The following FJX1 variants were observed in gnomAD, a reference collection of about 807,000 sequenced individuals.
The protein encoded by FJX1 is four-jointed box protein 1.
A neutral mutation model predicts 28.7 loss-of-function variants in FJX1; 21 were observed. The observed-to-expected ratio is 0.73, with a 90% CI of 0.52 to 1.05. The LOEUF (loss-of-function observed/expected upper bound fraction) is 1.05, where lower values mean the gene tolerates loss of function less well. FJX1 is among the 50% of genes least tolerant of loss of function. The probability of loss-of-function intolerance (pLI) is 0.00; values close to 1 mark genes in which losing one functional copy is unlikely to be tolerated. For synonymous variants in FJX1, 363 were observed against 310.0 expected (o/e 1.17, Z -1.80); for missense variants, 683 against 647.2 (o/e 1.06, Z -0.60).
At position 35,619,638 on chromosome 11, in the gene FJX1, G is replaced by A; in HGVS notation, c.1002G>A (p.Leu334=). The change falls in exon 1 of 1, where the codon CTG becomes CTA. Residue 334 remains leucine, a synonymous_variant. Transcript: ENST00000317811. The surrounding 1 kb of genome is among the most constrained non-coding windows in gnomAD (Gnocchi z 7.6). ...TGCACCGCGGTCCGGGCGGGGCGCT[G>A]GTCTTTCTGGACAATGAGGCGGGCT... ...SNLHRGPGGA[L]VFLDNEAGLV... The A allele has an allele frequency of 1.9e-6, 3 of 1,611,112 alleles. No homozygotes were observed. The highest frequency in any genetic ancestry group is 2.5e-6 in the Non-Finnish European group (3 of 1,179,764).
rs747393136 is a variant in FJX1 at position 35,619,306 on chromosome 11, C to G, written c.670C>G (p.Gln224Glu). 1.3e-6 allele frequency: 2 copies of G among 1,557,066 alleles called. No homozygotes were observed. The highest frequency in any genetic ancestry group is 4.8e-5 in the East Asian group (2 of 41,832). ...RVEARGAQWA[Q>E]VQEELRAAHW... ...GGAGGCTCGGGGCGCGCAGTGGGCG[C>G]AGGTGCAGGAGGAGCTGCGCGCTGC... The change falls in exon 1 of 1, where the codon CAG becomes GAG. Residue 224 changes from glutamine to glutamate, a missense_variant. By Grantham distance (29) the Gln-to-Glu change is conservative. Transcript: ENST00000317811. This position sits in a 1 kb window ranked among gnomAD's most constrained non-coding sequence, Gnocchi z 7.6.
Position 35,619,738 on chromosome 11 carries a change from C to A in FJX1, c.1102C>A (p.Arg368Ser), listed in dbSNP as rs757733800. ...GCTGTTGCAGTCAGTGTGCGTGTTC[C>A]GCGAGCGGACCGCGCGGCGCGTCCT... ...EPLLQSVCVFRERTARRVLEL... is the reference protein window; with the variant it reads ...EPLLQSVCVFSERTARRVLEL... Residue 368 changes from arginine (R) to serine (S), a missense_variant, in exon 1 of 1, where the codon CGC becomes AGC. Arg to Ser is a moderately radical substitution (Grantham distance 110). Coordinates refer to ENST00000317811, the MANE Select transcript of FJX1 (RefSeq NM_014344.4). The surrounding 1 kb of genome is among the most constrained non-coding windows in gnomAD (Gnocchi z 7.6). 2 of 1,570,998 alleles carry A rather than the reference C, an allele frequency of 1.3e-6. No individual in the cohort carries two copies. Among genetic ancestry groups the A allele is most frequent in the African/African-American group, 1.4e-5 (1 of 73,954 alleles).
Position 35,618,783 on chromosome 11 carries a change from C to T in FJX1, c.147C>T (p.Arg49=). ...SRPPEDRLPR[R]PARSGGPAPA... is the part of the protein sequence containing the mutation. ...CGCCCGAAGACCGACTCCCACGGCG[C>T]CCGGCCCGGAGCGGCGGCCCCGCGC... The change falls in exon 1 of 1, where the codon CGC becomes CGT. Residue 49 remains arginine (R), a synonymous_variant. Transcript: ENST00000317811. This position sits in a 1 kb window ranked among gnomAD's most constrained non-coding sequence, Gnocchi z 4.2. The T allele has an allele frequency of 2.4e-6, 3 of 1,253,530 alleles. No individual in the cohort carries two copies. Among genetic ancestry groups the T allele is most frequent in the Non-Finnish European group, 3.0e-6 (3 of 997,386 alleles). The allele number at this position is 1,253,530 out of a possible 1,614,324, so 77.7% of individuals were successfully genotyped here.
Position 35,619,015 on chromosome 11 carries a change from G to A in FJX1, c.379G>A (p.Gly127Ser), listed in dbSNP as rs1265109169. 7 of 1,467,768 alleles carry A rather than the reference G, an allele frequency of 4.8e-6. No individual in the cohort carries two copies. The highest frequency in any genetic ancestry group is 1.5e-5 in the African/African-American group (1 of 67,292). The allele number at this position is 1,467,768 out of a possible 1,614,324, so 90.9% of individuals were successfully genotyped here. A position where few individuals can be genotyped will look rare whatever the true frequency, so the allele number is the denominator to read the frequency against. Residue 127 changes from glycine to serine, a missense_variant, in exon 1 of 1, where the codon GGC (glycine) becomes AGC (serine). Coordinates refer to ENST00000317811, the MANE Select transcript of FJX1 (RefSeq NM_014344.4). The surrounding 1 kb of genome is among the most constrained non-coding windows in gnomAD (Gnocchi z 7.6). ...AVHGGVFWSRGLEEQVPPGFS... is the reference protein window; with the variant it reads ...AVHGGVFWSRSLEEQVPPGFS... Reference sequence around the variant, plus strand: ...GCACGGGGGCGTCTTCTGGAGCCGCGGCCTGGAGGAGCAGGTGCCCCCGGG... The same window carrying A: ...GCACGGGGGCGTCTTCTGGAGCCGCAGCCTGGAGGAGCAGGTGCCCCCGGG...
chr11:35,620,157 G>A lies in FJX1; in HGVS notation c.*207G>A, dbSNP rs1850883100. On this transcript the variant is annotated 3_prime_UTR_variant, in exon 1 of 1. Transcript: ENST00000317811. ...TCTGGGAGGACGAACTCACCGAGGCGAGAAGTGTAACATTCTCTCCACCCA... is the reference window on the plus strand; with the variant it reads ...TCTGGGAGGACGAACTCACCGAGGCAAGAAGTGTAACATTCTCTCCACCCA... 1.8e-5 allele frequency: 13 copies of A among 717,424 alleles called. No homozygotes were observed. The highest frequency in any genetic ancestry group is 2.1e-5 in the Non-Finnish European group (9 of 432,766). 44.4% of individuals were successfully genotyped at this position (717,424 alleles called of 1,614,324 possible). A position where few individuals can be genotyped will look rare whatever the true frequency, so the allele number is the denominator to read the frequency against.
In FJX1 at chr11:35,619,274, CTCGGGTGGAGGCTCGGGG is replaced by C; in HGVS notation, c.639_656del (p.Arg214_Gly219del). On this transcript the variant is annotated inframe_deletion, in exon 1 of 1. Coordinates refer to ENST00000317811, the MANE Select transcript of FJX1 (RefSeq NM_014344.4). The surrounding 1 kb of genome is among the most constrained non-coding windows in gnomAD (Gnocchi z 7.6). Reference sequence around the variant, plus strand: ...CGCCACGTGCCGCCGCTGGCACTGGCTCGGGTGGAGGCTCGGGGCGCGCAGTGGGCGCAGGTGCAGGAG... The same window carrying C: ...CGCCACGTGCCGCCGCTGGCACTGGCCGCGCAGTGGGCGCAGGTGCAGGAG... 6.4e-7 allele frequency: 1 copy of C among 1,565,962 alleles called. No homozygotes were observed.
chr11:35,619,371 G>C lies in FJX1; in HGVS notation c.735G>C (p.Trp245Cys), dbSNP rs1168179890. ...TEGSVVSLTR[W>C]LPNLTDVVVP... Reference sequence around the variant, plus strand: ...GCAGCGTGGTGAGCCTGACACGCTGGCTGCCCAACCTCACGGACGTGGTGG... The same window carrying C: ...GCAGCGTGGTGAGCCTGACACGCTGCCTGCCCAACCTCACGGACGTGGTGG... Residue 245 changes from tryptophan to cysteine, a missense_variant, in exon 1 of 1, where the codon TGG becomes TGC. By Grantham distance (215) the Trp-to-Cys change is radical. Transcript: ENST00000317811. This position sits in a 1 kb window ranked among gnomAD's most constrained non-coding sequence, Gnocchi z 7.6. The C allele has an allele frequency of 6.3e-7, 1 of 1,590,390 alleles. No individual in the cohort carries two copies. Among genetic ancestry groups the C allele is most frequent in the East Asian group, 2.3e-5 (1 of 44,396 alleles).
rs768729646 is a variant in FJX1 at position 35,619,162 on chromosome 11, C to A, written c.526C>A (p.Arg176Ser). The A allele has an allele frequency of 6.3e-7, 1 of 1,576,220 alleles. No homozygotes were observed. Among genetic ancestry groups the A allele is most frequent in the South Asian group, 1.1e-5 (1 of 87,938 alleles). The change falls in exon 1 of 1, where the codon CGC becomes AGC. Residue 176 changes from arginine (R) to serine (S), a missense_variant. Arg to Ser is a moderately radical substitution (Grantham distance 110). Transcript: ENST00000317811. The surrounding 1 kb of genome is among the most constrained non-coding windows in gnomAD (Gnocchi z 7.6). Reference protein sequence around the residue: ...NRLARFADGTRACVRYGINPE... With the variant: ...NRLARFADGTSACVRYGINPE... ...ACTGGCCCGTTTTGCCGACGGCACC[C>A]GCGCCTGCGTGCGCTACGGCATCAA...
chr11:35,619,585 C>G lies in FJX1; in HGVS notation c.949C>G (p.Arg317Gly). The change falls in exon 1 of 1, where the codon CGC becomes GGC. Residue 317 changes from arginine (R) to glycine (G), a missense_variant. Coordinates refer to ENST00000317811, the MANE Select transcript of FJX1 (RefSeq NM_014344.4). The surrounding 1 kb of genome is among the most constrained non-coding windows in gnomAD (Gnocchi z 7.6). ...CCTCTTCAGCCTGCAGTGGGACCCG[C>G]GCGTCATGCAGCGTGCCACCAGCAA... ...SNLFSLQWDP[R>G]VMQRATSNLH... The G allele has an allele frequency of 1.2e-6, 2 of 1,606,464 alleles. No individual in the cohort carries two copies. Among genetic ancestry groups the G allele is most frequent in the Non-Finnish European group, 1.7e-6 (2 of 1,179,776 alleles).
Position 35,618,936 on chromosome 11 carries a change from G to A in FJX1, c.300G>A (p.Glu100=), listed in dbSNP as rs143163205. 0.046 allele frequency: 67,538 copies of A among 1,465,236 alleles called. 2,369 individuals are homozygous for A. The highest frequency in any genetic ancestry group is 0.17 in the East Asian group (5,578 of 33,652). The allele number at this position is 1,465,236 out of a possible 1,614,324, so 90.8% of individuals were successfully genotyped here. A position where few individuals can be genotyped will look rare whatever the true frequency, so the allele number is the denominator to read the frequency against. ...GCCCGCCCCGGCAGTCCCGGAGCGAGCCCAGGTGGCACGTGTCAGCCAGGC... is the reference window on the plus strand; with the variant it reads ...GCCCGCCCCGGCAGTCCCGGAGCGAACCCAGGTGGCACGTGTCAGCCAGGC... ...ADGPPRQSRS[E]PRWHVSARQP... The change falls in exon 1 of 1, where the codon GAG becomes GAA. Residue 100 remains glutamate, a synonymous_variant. Transcript: ENST00000317811. This position sits in a 1 kb window ranked among gnomAD's most constrained non-coding sequence, Gnocchi z 4.2.
chr11:35,618,730 C>A lies in FJX1; in HGVS notation c.94C>A (p.Pro32Thr). The change falls in exon 1 of 1, where the codon CCG (proline) becomes ACG (threonine). Residue 32 changes from proline (P) to threonine (T), a missense_variant. By Grantham distance (38) the Pro-to-Thr change is conservative. Coordinates refer to ENST00000317811, the MANE Select transcript of FJX1 (RefSeq NM_014344.4). This position sits in a 1 kb window ranked among gnomAD's most constrained non-coding sequence, Gnocchi z 4.2. Reference protein sequence around the residue: ...LLALWGGLLPPRTELPASRPP... With the variant: ...LLALWGGLLPTRTELPASRPP... Reference sequence around the variant, plus strand: ...GGCGCTGTGGGGAGGGCTCCTGCCGCCGCGGACCGAGCTGCCCGCCTCCCG... The same window carrying A: ...GGCGCTGTGGGGAGGGCTCCTGCCGACGCGGACCGAGCTGCCCGCCTCCCG... 1 of 1,257,926 alleles carries A rather than the reference C, an allele frequency of 7.9e-7. No homozygotes were observed. The highest frequency in any genetic ancestry group is 1.0e-6 in the Non-Finnish European group (1 of 987,942). 77.9% of individuals were successfully genotyped at this position (1,257,926 alleles called of 1,614,324 possible). A position where few individuals can be genotyped will look rare whatever the true frequency, so the allele number is the denominator to read the frequency against.
At position 35,619,638 on chromosome 11, in the gene FJX1, G is replaced by C; in HGVS notation, c.1002G>C (p.Leu334=). 6.2e-7 allele frequency: 1 copy of C among 1,611,112 alleles called. No homozygotes were observed. Among genetic ancestry groups the C allele is most frequent in the Non-Finnish European group, 8.5e-7 (1 of 1,179,764 alleles). ...TGCACCGCGGTCCGGGCGGGGCGCT[G>C]GTCTTTCTGGACAATGAGGCGGGCT... ...SNLHRGPGGA[L]VFLDNEAGLV... The change falls in exon 1 of 1, where the codon CTG becomes CTC. Residue 334 remains leucine, a synonymous_variant. Coordinates refer to ENST00000317811, the MANE Select transcript of FJX1 (RefSeq NM_014344.4). The surrounding 1 kb of genome is among the most constrained non-coding windows in gnomAD (Gnocchi z 7.6).
In FJX1 at chr11:35,620,776, G is replaced by A. The variant is rs1391506221; in HGVS notation, c.*826G>A. The A allele has an allele frequency of 1.8e-5, 3 of 166,834 alleles. No individual in the cohort carries two copies. The highest frequency in any genetic ancestry group is 4.4e-5 in the Non-Finnish European group (3 of 68,062). The allele number at this position is 166,834 out of a possible 1,614,324, so 10.3% of individuals were successfully genotyped here. On this transcript the variant is annotated 3_prime_UTR_variant, in exon 1 of 1. Transcript: ENST00000317811. Reference sequence around the variant, plus strand: ...TATTAAGAAAAAATTTTATTTTACAGAATTTACCTTCTCTGTATATATGTG... The same window carrying A: ...TATTAAGAAAAAATTTTATTTTACAAAATTTACCTTCTCTGTATATATGTG...
At position 35,620,164 on chromosome 11, in the gene FJX1, G is replaced by A. The variant is rs1007982332; in HGVS notation, c.*214G>A. On this transcript the variant is annotated 3_prime_UTR_variant, in exon 1 of 1. Transcript: ENST00000317811. ...GGACGAACTCACCGAGGCGAGAAGT[G>A]TAACATTCTCTCCACCCAGCTTATA... is the stretch of plus-strand genomic sequence containing the variant. 5 of 687,068 alleles carry A rather than the reference G, an allele frequency of 7.3e-6. No individual in the cohort carries two copies. Among genetic ancestry groups the A allele is most frequent in the African/African-American group, 3.7e-5 (2 of 54,612 alleles). 42.6% of individuals were successfully genotyped at this position (687,068 alleles called of 1,614,324 possible).
Position 35,618,949 on chromosome 11 carries a change from G to T in FJX1, c.313G>T (p.Val105Leu). Residue 105 changes from valine to leucine, a missense_variant, in exon 1 of 1, where the codon GTG (valine) becomes TTG (leucine). By Grantham distance (32) the Val-to-Leu change is conservative. Transcript: ENST00000317811. The surrounding 1 kb of genome is among the most constrained non-coding windows in gnomAD (Gnocchi z 4.2). ...RQSRSEPRWH[V>L]SARQPRPEES... ...GTCCCGGAGCGAGCCCAGGTGGCACGTGTCAGCCAGGCAGCCCCGGCCGGA... is the reference window on the plus strand; with the variant it reads ...GTCCCGGAGCGAGCCCAGGTGGCACTTGTCAGCCAGGCAGCCCCGGCCGGA... 6.8e-7 allele frequency: 1 copy of T among 1,470,268 alleles called. No homozygotes were observed. The highest frequency in any genetic ancestry group is 8.9e-7 in the Non-Finnish European group (1 of 1,118,948). The allele number at this position is 1,470,268 out of a possible 1,614,324, so 91.1% of individuals were successfully genotyped here.
rs1850881695 is a variant in FJX1 at position 35,620,048 on chromosome 11, G to A, written c.*98G>A. 2 of 1,507,462 alleles carry A rather than the reference G, an allele frequency of 1.3e-6. No homozygotes were observed. Among genetic ancestry groups the A allele is most frequent in the Admixed American group, 2.4e-5 (1 of 42,138 alleles). The allele number at this position is 1,507,462 out of a possible 1,614,324, so 93.4% of individuals were successfully genotyped here. A position where few individuals can be genotyped will look rare whatever the true frequency, so the allele number is the denominator to read the frequency against. On this transcript the variant is annotated 3_prime_UTR_variant, in exon 1 of 1. Coordinates refer to ENST00000317811, the MANE Select transcript of FJX1 (RefSeq NM_014344.4). The stretch of plus-strand genomic sequence containing the variant: ...CACTGTCAGGGACCAGCCGGCCAAC[G>A]CCCACCCGCAAAGGTGTCTAAAAAC...
rs770340270 is a variant in FJX1 at position 35,619,422 on chromosome 11, C to G, written c.786C>G (p.Asp262Glu). ...VVVPAPWRSEDGRLRPLRDAG... is the reference protein window; with the variant it reads ...VVVPAPWRSEEGRLRPLRDAG... ...TGCCCGCGCCCTGGCGCTCGGAGGA[C>G]GGCCGTCTGCGCCCCCTCCGGGATG... The change falls in exon 1 of 1, where the codon GAC becomes GAG. Residue 262 changes from aspartate (D) to glutamate (E), a missense_variant. Coordinates refer to ENST00000317811, the MANE Select transcript of FJX1 (RefSeq NM_014344.4). The surrounding 1 kb of genome is among the most constrained non-coding windows in gnomAD (Gnocchi z 7.6). The G allele has an allele frequency of 1.9e-6, 3 of 1,597,666 alleles. No individual in the cohort carries two copies. In the South Asian group the frequency reaches 3.3e-5, roughly 18 times the overall value.
chr11:35,620,002 G>C lies in FJX1; in HGVS notation c.*52G>C. On this transcript the variant is annotated 3_prime_UTR_variant, in exon 1 of 1. Coordinates refer to ENST00000317811, the MANE Select transcript of FJX1 (RefSeq NM_014344.4). The stretch of plus-strand genomic sequence containing the variant: ...CTGGGGCTGGGGTATGGATGATGGG[G>C]GGAAGGGCGGTCGCCTCTGCCACTG... 1.3e-6 allele frequency: 2 copies of C among 1,551,312 alleles called. No individual in the cohort carries two copies. Among genetic ancestry groups the C allele is most frequent in the Non-Finnish European group, 1.7e-6 (2 of 1,149,632 alleles).
rs1850850085 is a variant in FJX1, at chr11:35,618,580, C to T, written c.-57C>T. 4.6e-6 allele frequency: 5 copies of T among 1,095,628 alleles called. No individual in the cohort carries two copies. Among genetic ancestry groups the T allele is most frequent in the Non-Finnish European group, 5.5e-6 (5 of 902,344 alleles). The allele number at this position is 1,095,628 out of a possible 1,614,324, so 67.9% of individuals were successfully genotyped here. ...GCCGGGCCCGCCTCGCCGCCGGGAC[C>T]CGGGTGCCTGGGCTCGGCTTGAAGC... On this transcript the variant is annotated 5_prime_UTR_variant, in exon 1 of 1. Coordinates refer to ENST00000317811, the MANE Select transcript of FJX1 (RefSeq NM_014344.4). This position sits in a 1 kb window ranked among gnomAD's most constrained non-coding sequence, Gnocchi z 4.2.
Sources: gnomAD v4.1 joint callset for allele counts on GRCh38, gnomAD v4.1.1 for gene constraint, Gnocchi (gnomAD v3.1) non-coding constraint, MANE v1.5 for transcripts, NCBI Gene and HGNC (gene_info 2026-07-23, HGNC 2026-07-21) for gene names.